GP2: variants seen among roughly 807,000 people sequenced by gnomAD.
The protein encoded by GP2 is glycoprotein 2.
Under a neutral mutation model 60.8 loss-of-function variants are expected in GP2, and 58 were observed. That is an observed-to-expected ratio of 0.95 (90% CI 0.77 to 1.19). The LOEUF (loss-of-function observed/expected upper bound fraction) is 1.19, where lower values mean the gene tolerates loss of function less well. GP2 is among the 50% of genes most tolerant of loss of function. The pLI, the probability that GP2 is intolerant of heterozygous loss-of-function variation, is 0.00. For missense variants in GP2, 647 were observed against 667.4 expected (o/e 0.97, Z 0.34); for synonymous variants, 280 against 253.4 (o/e 1.10, Z -1.00).
rs1457867649 is a variant in GP2 at position 20,313,875 on chromosome 16, T to A, written c.1546+782A>T. Among the ~76,000 whole-genome samples, 4 of 152,148 alleles carry A rather than the reference T, an allele frequency of 2.6e-5. No homozygotes were observed. The East Asian group carries it at 5.8e-4, about 22-fold the overall frequency. ...GAGCTCTGGCTGCCATCTTGGAACA[T>A]GAAGATGATGGCCACACCTCAAAGA... is the stretch of plus-strand genomic sequence containing the variant. On this transcript the variant is annotated intron_variant, in intron 10 of 10. Transcript: ENST00000302555.
At chr16:20,322,791 T>C in intron 4 of GP2, 78 bp downstream of exon 4, 1 of 784,180 alleles carries the variant, frequency 1.3e-6, no homozygotes, top group Admixed American at 1.9e-5. Context: ...CTTTATACCT[T>C]ATCTTGACCC....
At chr16:20,314,400 G>C (rs940115369) in intron 10 of GP2, among the ~76,000 whole-genome samples, 5 of 151,758 alleles carry the variant, frequency 3.3e-5, no homozygotes, top group Non-Finnish European at 5.9e-5. Context: ...GCTCTATGAG[G>C]GTAGGCACCT....
chr16:20,310,442 A>G lies in GP2; in HGVS notation c.*781T>C, dbSNP rs1963963799. On this transcript the variant is annotated 3_prime_UTR_variant, in exon 11 of 11. Transcript: ENST00000302555. Reference sequence around the variant, plus strand: ...AAAAGTGGCCCTTTGACATGTTCCCATGGCAATTTTTGGAAACCATGATAG... The same window carrying G: ...AAAAGTGGCCCTTTGACATGTTCCCGTGGCAATTTTTGGAAACCATGATAG... 1.3e-5 allele frequency: 2 copies of G among 152,200 alleles called. No individual in the cohort carries two copies. The highest frequency in any genetic ancestry group is 1.3e-4 in the Admixed American group (2 of 15,284). 9.4% of individuals were successfully genotyped at this position (152,200 alleles called of 1,614,324 possible). A position where few individuals can be genotyped will look rare whatever the true frequency, so the allele number is the denominator to read the frequency against.
At chr16:20,314,608 G>A (rs1246047113) in intron 10 of GP2, 49 bp downstream of exon 10, 1 of 1,289,084 alleles carries the variant, frequency 7.8e-7, no homozygotes, top group Non-Finnish European at 1.1e-6. Flanking sequence ...ATTGAAAAGA[G>A]AAAGGAGAGT....
Position 20,326,341 on chromosome 16 carries a change from G to A in GP2, c.91C>T (p.Arg31Ter), listed in dbSNP as rs992892006. The A allele has an allele frequency of 1.2e-5, 19 of 1,613,418 alleles. No individual in the cohort carries two copies. Among genetic ancestry groups the A allele is most frequent in the East Asian group, 2.2e-5 (1 of 44,892 alleles). ...CILTQASAVQ[R>*]GYGNPIEASS... Reference sequence around the variant, plus strand: ...GCCAGGTGAGCAGAATACTTACCTCGCTGCACTGCAGATGCCTGGGTCAGA... The same window carrying A: ...GCCAGGTGAGCAGAATACTTACCTCACTGCACTGCAGATGCCTGGGTCAGA... The change falls in exon 2 of 11, where the codon CGA (arginine) becomes TGA (stop). Residue 31 changes from arginine to a stop codon, truncating the protein, a stop_gained. Transcript: ENST00000302555. LOFTEE classifies it high-confidence loss of function.
intron 7 of GP2, 53 bp downstream of exon 7, chr16:20,318,132 C>T (rs1964241699): frequency 2.0e-6 from 3 of 1,510,708 alleles, no homozygotes; most frequent in South Asian, 2.3e-5. Context: ...GAGATGAACA[C>T]TTTCCTGTAA....
At chr16:20,318,590 C>T (rs1363854510) in intron 6 of GP2, among the ~76,000 whole-genome samples, 160 bp from the exon 7 acceptor site, 1 of 152,198 alleles carries the variant, frequency 6.6e-6, no homozygotes, top group Non-Finnish European at 1.5e-5. Context: ...AGCTTCTAGG[C>T]ACTAAACTTG....
chr16:20,324,127 C>T lies in GP2; in HGVS notation c.224G>A (p.Ser75Asn), dbSNP rs758432547. 1.2e-6 allele frequency: 2 copies of T among 1,614,102 alleles called. No homozygotes were observed. Among genetic ancestry groups the T allele is most frequent in the Non-Finnish European group, 1.7e-6 (2 of 1,179,930 alleles). The change falls in exon 3 of 11, where the codon AGC becomes AAC. Residue 75 changes from serine (S) to asparagine (N), a missense_variant. Ser to Asn is a conservative substitution (Grantham distance 46, BLOSUM62 1). Coordinates refer to ENST00000302555, the MANE Select transcript of GP2 (RefSeq NM_001502.4). ...NYTLLDEPFR[S>N]TENSAGSQGC... is the part of the protein sequence containing the mutation. ...CTGGGACCCTGCTGAGTTCTCTGTG[C>T]TTCGGAAGGGTTCATCCAGGAGGGT...
chr16:20,311,170 C>A lies in GP2; in HGVS notation c.*53G>T, dbSNP rs1167280631. The stretch of plus-strand genomic sequence containing the variant: ...TGGAAAGCAGAAGTGCTGAAGGGAG[C>A]CATTGCCAGAGGGAAGAACACAAAC... On this transcript the variant is annotated 3_prime_UTR_variant, in exon 11 of 11. Coordinates refer to ENST00000302555, the MANE Select transcript of GP2 (RefSeq NM_001502.4). The A allele has an allele frequency of 1.9e-6, 2 of 1,060,056 alleles. No individual in the cohort carries two copies. The highest frequency in any genetic ancestry group is 1.5e-6 in the Non-Finnish European group (1 of 674,794). The allele number at this position is 1,060,056 out of a possible 1,614,324, so 65.7% of individuals were successfully genotyped here.
chr16:20,311,161 T>TGAA lies in GP2; in HGVS notation c.*59_*61dup. 1.0e-6 allele frequency: 1 copy of TGAA among 986,270 alleles called. No individual in the cohort carries two copies. The highest frequency in any genetic ancestry group is 1.6e-6 in the Non-Finnish European group (1 of 607,306). The allele number at this position is 986,270 out of a possible 1,614,324, so 61.1% of individuals were successfully genotyped here. A position where few individuals can be genotyped will look rare whatever the true frequency, so the allele number is the denominator to read the frequency against. ...GAATTGGAGTGGAAAGCAGAAGTGC[T>TGAA]GAAGGGAGCCATTGCCAGAGGGAAG... On this transcript the variant is annotated 3_prime_UTR_variant, in exon 11 of 11. Transcript: ENST00000302555.
At position 20,316,148 on chromosome 16, in the gene GP2, T is replaced by C. The variant is rs144300168; in HGVS notation, c.1417-108A>G. ...GACCAAGAACTGTGTCCAGAACTGG[T>C]TCACGCTATGGCCCTAATTCCGATG... On this transcript the variant is annotated intron_variant, in intron 8 of 10. Transcript: ENST00000302555. 733 of 693,964 alleles carry C rather than the reference T, an allele frequency of 1.1e-3. 3 individuals are homozygous for C. The highest frequency in any genetic ancestry group is 2.9e-3 in the Admixed American group (132 of 45,424). The allele number at this position is 693,964 out of a possible 1,614,324, so 43.0% of individuals were successfully genotyped here.
At chr16:20,318,090 T>A in intron 7 of GP2, 95 bp downstream of exon 7, 1 of 966,636 alleles carries the variant, frequency 1.0e-6, no homozygotes, top group East Asian at 2.4e-5. Flanking sequence ...TTATGATATG[T>A]AGTACAACTT....
chr16:20,313,210 A>G (rs556139714), intron 10 of GP2, among the ~76,000 whole-genome samples: 77 of 152,180 alleles, frequency 5.1e-4, no homozygotes, highest in African/African-American at 1.8e-3. Context: ...CTAGTACCCT[A>G]TAAATATGTA....
chr16:20,323,988 C>T lies in GP2; in HGVS notation c.363G>A (p.Leu121=), dbSNP rs200965660. 6.2e-7 allele frequency: 1 copy of T among 1,614,118 alleles called. No homozygotes were observed. The highest frequency in any genetic ancestry group is 1.7e-5 in the Admixed American group (1 of 60,028). ...HRCQTDAPMW[L]NGTHPALGDG... ...CCCCAAGGGCAGGGTGGGTCCCATTCAGCCACATGGGAGCGTCTGTCTGGC... is the reference window on the plus strand; with the variant it reads ...CCCCAAGGGCAGGGTGGGTCCCATTTAGCCACATGGGAGCGTCTGTCTGGC... Residue 121 remains leucine (L), a synonymous_variant, in exon 3 of 11, where the codon CTG becomes CTA. Coordinates refer to ENST00000302555, the MANE Select transcript of GP2 (RefSeq NM_001502.4).
At chr16:20,316,411 AGGCAAGAGCAGGG>A (rs1318070400) in intron 8 of GP2, among the ~76,000 whole-genome samples, 4 of 152,222 alleles carry the variant, frequency 2.6e-5, no homozygotes, top group Non-Finnish European at 5.9e-5. Context: ...TTCCAAATGC[AGGCAAGAGCAGGG>A]GCACTGGAGC....
At chr16:20,315,899 G>A in intron 9 of GP2, 57 bp downstream of exon 9, 1 of 1,048,912 alleles carries the variant, frequency 9.5e-7, no homozygotes. Flanking sequence ...CCAGGCATCT[G>A]TGGTTAACTG....
intron 1 of GP2, chr16:20,327,209 C>G (rs765711138): frequency 1.3e-5 from 4 of 315,074 alleles, no homozygotes; most frequent in Non-Finnish European, 2.5e-5. Context: ...GATGAGATCC[C>G]AATAGAGACC....
chr16:20,317,791 T>C (rs1021133663), intron 7 of GP2, among the ~76,000 whole-genome samples: 2 of 152,230 alleles, frequency 1.3e-5, no homozygotes, highest in Non-Finnish European at 2.9e-5. Flanking sequence ...ATTTAAATCA[T>C]GATCTATAGA....
At position 20,309,613 on chromosome 16, in the gene GP2, A is replaced by T. The variant is rs1338002495; in HGVS notation, c.*1610T>A. On this transcript the variant is annotated 3_prime_UTR_variant, in exon 11 of 11. Transcript: ENST00000302555. ...CCATATTTAATCAAGGGATGAGTGA[A>T]CAGGAAAAGCTGGCTTCAGAGACAT... 1 of 152,234 alleles carries T rather than the reference A, an allele frequency of 6.6e-6. No individual in the cohort carries two copies. Among genetic ancestry groups the T allele is most frequent in the Non-Finnish European group, 1.5e-5 (1 of 68,054 alleles). 9.4% of individuals were successfully genotyped at this position (152,234 alleles called of 1,614,324 possible).
Sources: gnomAD v4.1 joint callset for allele counts (sites outside exome capture counted in the v4.1 genomes callset) on GRCh38, gnomAD v4.1.1 for gene constraint, MANE v1.5 for transcripts, NCBI Gene and HGNC (gene_info 2026-07-23, HGNC 2026-07-21) for gene names.